The following DLEC1 variants were observed in gnomAD, a reference collection of about 807,000 sequenced individuals.
DLEC1 encodes DLEC1 cilia and flagella associated protein.
DLEC1 carries 146 observed loss-of-function variants against 198.1 expected under a neutral mutation model. The ratio of observed to expected loss-of-function variants is 0.74; its 90% CI spans 0.64 to 0.85. The LOEUF (loss-of-function observed/expected upper bound fraction) is 0.85. Among genes scored for constraint, DLEC1 ranks in the 40% least tolerant of loss-of-function variants. DLEC1 has a pLI of 0.00. For missense variants in DLEC1, 2,233 were observed against 2,220.0 expected, an observed-to-expected ratio of 1.01 and a Z score of -0.12; for synonymous variants, 897 against 866.8, an observed-to-expected ratio of 1.03 and a Z score of -0.61.
chr3:38,096,595 C>T lies in DLEC1; in HGVS notation c.2198C>T (p.Ser733Phe). ...VSSEAESLGH[S>F]SYSVDDVIVL... ...TCAGAAGCGGAGAGCCTGGGGCACTCCTCCTACTCTGTGGATGATGTGATT... is the reference window on the plus strand; with the variant it reads ...TCAGAAGCGGAGAGCCTGGGGCACTTCTCCTACTCTGTGGATGATGTGATT... Residue 733 changes from serine (S) to phenylalanine (F), a missense_variant, in exon 15 of 37, where the codon TCC (serine) becomes TTC (phenylalanine). Transcript: ENST00000308059. 6.2e-7 allele frequency: 1 copy of T among 1,612,006 alleles called. No homozygotes were observed. The highest frequency in any genetic ancestry group is 8.5e-7 in the Non-Finnish European group (1 of 1,179,834).
chr3:38,094,731 C>G, intron 12 of DLEC1, 148 bp from the exon 13 acceptor site: 1 of 856,792 alleles, frequency 1.2e-6, no homozygotes, highest in Non-Finnish European at 1.8e-6. Context: ...GGAGGGTCCT[C>G]CATTGGAAGG....
chr3:38,121,977 G>C (rs1700492936), intron 35 of DLEC1, 94 bp from the exon 36 acceptor site: 3 of 1,563,276 alleles, frequency 1.9e-6, no homozygotes, highest in African/African-American at 1.4e-5. Flanking sequence ...TGCTGAGCAA[G>C]ACCAGAGGTA....
intron 6 of DLEC1, among the ~76,000 whole-genome samples, chr3:38,072,512 T>C (rs1697377981): frequency 6.6e-6 from 1 of 151,798 alleles, no homozygotes; most frequent in Non-Finnish European, 1.5e-5. Context: ...ATGAAAAGAG[T>C]TGGGATGAGT....
intron 33 of DLEC1, among the ~76,000 whole-genome samples, chr3:38,120,067 C>G (rs1373080192): frequency 6.6e-6 from 1 of 152,210 alleles, no homozygotes; most frequent in Non-Finnish European, 1.5e-5. Context: ...CATGTGTGGT[C>G]TGCAGCCCAC....
At chr3:38,114,522 G>T (rs962352601) in intron 26 of DLEC1, 62 bp downstream of exon 26, 28 of 1,551,110 alleles carry the variant, frequency 1.8e-5, no homozygotes, top group Admixed American at 1.7e-4. Context: ...CCGGCCTCCG[G>T]GCTGGGCTGC....
chr3:38,053,483 T>C (rs1701242665), intron 2 of DLEC1, among the ~76,000 whole-genome samples: 1 of 118,648 alleles, frequency 8.4e-6, no homozygotes, highest in African/African-American at 3.4e-5. Context: ...CCAGCCGCCC[T>C]GTCTGAGAAG....
At chr3:38,104,324 G>T (rs1202086209) in intron 19 of DLEC1, among the ~76,000 whole-genome samples, 1 of 152,080 alleles carries the variant, frequency 6.6e-6, no homozygotes, top group Non-Finnish European at 1.5e-5. Flanking sequence ...GGGTGTGGTG[G>T]TGCACACCTG....
intron 23 of DLEC1, among the ~76,000 whole-genome samples, chr3:38,111,337 TG>T (rs1699867003): frequency 6.6e-6 from 1 of 152,146 alleles, no homozygotes; most frequent in African/African-American, 2.4e-5. Flanking sequence ...GGGCTAGAGA[TG>T]GGGAGTCTGG....
chr3:38,120,518 C>A lies in DLEC1; in HGVS notation c.4775C>A (p.Pro1592His), dbSNP rs1700392937. ...AAGCTCCCAGCTGACCAGACACTGCCTGGGGTGGACATTCAGCAGAGTGCG... is the reference window on the plus strand; with the variant it reads ...AAGCTCCCAGCTGACCAGACACTGCATGGGGTGGACATTCAGCAGAGTGCG... Reference protein sequence around the residue: ...YQKLPADQTLPGVDIQQSASG... With the variant: ...YQKLPADQTLHGVDIQQSASG... The change falls in exon 34 of 37, where the codon CCT becomes CAT. Residue 1592 changes from proline to histidine, a missense_variant. Coordinates refer to ENST00000308059, the MANE Select transcript of DLEC1 (RefSeq NM_007335.4). The A allele has an allele frequency of 6.2e-7, 1 of 1,614,108 alleles. No individual in the cohort carries two copies. The highest frequency in any genetic ancestry group is 1.1e-5 in the South Asian group (1 of 91,082).
rs142977135 is a variant in DLEC1, at chr3:38,083,379, T to C, written c.1174-779T>C. On this transcript the variant is annotated intron_variant, in intron 6 of 36. Coordinates refer to ENST00000308059, the MANE Select transcript of DLEC1 (RefSeq NM_007335.4). Reference sequence around the variant, plus strand: ...TTCTCTGGCAGGCAGGAGTGGGGGTTGCAAAGTACTCAGTGGGGGAGCTTT... The same window carrying C: ...TTCTCTGGCAGGCAGGAGTGGGGGTCGCAAAGTACTCAGTGGGGGAGCTTT... Among the ~76,000 whole-genome samples the C allele has an allele frequency of 4.9e-3, 743 of 150,922 alleles. 9 individuals carry two copies. The highest frequency in any genetic ancestry group is 0.017 in the African/African-American group (703 of 41,012).
At chr3:38,098,325 C>G (rs1392594139) in intron 18 of DLEC1, among the ~76,000 whole-genome samples, 3 of 152,222 alleles carry the variant, frequency 2.0e-5, no homozygotes, top group Non-Finnish European at 2.9e-5. Flanking sequence ...TGGTCACAGG[C>G]TGGCAGCCCA....
Position 38,097,189 on chromosome 3 carries a change from A to G in DLEC1, c.2348A>G (p.Asn783Ser). The G allele has an allele frequency of 1.3e-6, 2 of 1,573,348 alleles. No individual in the cohort carries two copies. Among genetic ancestry groups the G allele is most frequent in the Non-Finnish European group, 1.7e-6 (2 of 1,157,964 alleles). ...GTCTCGGGTGTCTTTCAGATGTGGA[A>G]CAACAGCAAGTCACCCATCAGATAC... ...INVKKAFKMW[N>S]NSKSPIRYLW... Residue 783 changes from asparagine (N) to serine (S), a missense_variant, in exon 16 of 37, where the codon AAC (asparagine) becomes AGC (serine). By Grantham distance (46) the Asn-to-Ser change is conservative (BLOSUM62 1). Coordinates refer to ENST00000308059, the MANE Select transcript of DLEC1 (RefSeq NM_007335.4).
At position 38,062,334 on chromosome 3, in the gene DLEC1, C is replaced by T; in HGVS notation, c.839C>T (p.Pro280Leu). 6.2e-7 allele frequency: 1 copy of T among 1,614,170 alleles called. No individual in the cohort carries two copies. Residue 280 changes from proline to leucine, a missense_variant, in exon 4 of 37, where the codon CCT becomes CTT. Coordinates refer to ENST00000308059, the MANE Select transcript of DLEC1 (RefSeq NM_007335.4). Reference protein sequence around the residue: ...TVDSLTWNLTPKAKERTREPL... With the variant: ...TVDSLTWNLTLKAKERTREPL... Reference sequence around the variant, plus strand: ...GACAGCCTGACATGGAATTTAACTCCTAAGGCCAAAGAAAGGACCAGAGAA... The same window carrying T: ...GACAGCCTGACATGGAATTTAACTCTTAAGGCCAAAGAAAGGACCAGAGAA...
At chr3:38,053,349 G>A (rs541265276) in intron 2 of DLEC1, among the ~76,000 whole-genome samples, 18 of 150,448 alleles carry the variant, frequency 1.2e-4, no homozygotes, top group African/African-American at 4.2e-4. Flanking sequence ...AGTGAGGAGC[G>A]TCTCTGCCCG....
At chr3:38,040,177 C>A (rs1262722919) in intron 1 of DLEC1, among the ~76,000 whole-genome samples, 7 of 152,210 alleles carry the variant, frequency 4.6e-5, no homozygotes, top group Non-Finnish European at 8.8e-5. Context: ...CTTGTGGGCA[C>A]TCCTCCCATA....
chr3:38,063,397 G>A lies in DLEC1; in HGVS notation c.1095-444G>A, dbSNP rs774889912. Among the ~76,000 whole-genome samples, 3 of 152,142 alleles carry A rather than the reference G, an allele frequency of 2.0e-5. No individual in the cohort carries two copies. In the East Asian group the frequency reaches 5.8e-4, roughly 29 times the overall value. ...AGGATCACCTGAGCACAGGGGTGTC[G>A]AGGCTGCAGTGAGCCAAGATTGTGC... On this transcript the variant is annotated intron_variant, in intron 5 of 36. Transcript: ENST00000308059.
chr3:38,121,098 G>C (rs1700431576), intron 34 of DLEC1, among the ~76,000 whole-genome samples: 1 of 152,182 alleles, frequency 6.6e-6, no homozygotes, highest in South Asian at 2.1e-4. Context: ...GCCTGGGGAA[G>C]ACTCTAGAGA....
At position 38,121,794 on chromosome 3, in the gene DLEC1, C is replaced by T; in HGVS notation, c.5020+13C>T. 4 of 1,613,138 alleles carry T rather than the reference C, an allele frequency of 2.5e-6. No homozygotes were observed. The highest frequency in any genetic ancestry group is 3.4e-6 in the Non-Finnish European group (4 of 1,179,272). On this transcript the variant is annotated intron_variant, in intron 35 of 36. Transcript: ENST00000308059. The stretch of plus-strand genomic sequence containing the variant: ...ACTATGCTGATGGGTATGTCCTACC[C>T]TGCCACCTACCCACCGTTCCCCTAC...
At chr3:38,080,068 C>A (rs575823079) in intron 6 of DLEC1, among the ~76,000 whole-genome samples, 1 of 152,276 alleles carries the variant, frequency 6.6e-6, no homozygotes, top group South Asian at 2.1e-4. Flanking sequence ...GAGCCATGAA[C>A]TGGGCTGGGT....
Sources: gnomAD v4.1 joint callset for allele counts (sites outside exome capture counted in the v4.1 genomes callset) on GRCh38, gnomAD v4.1.1 for gene constraint, MANE v1.5 for transcripts, NCBI Gene and HGNC (gene_info 2026-07-23, HGNC 2026-07-21) for gene names.